PRKN: variants seen among roughly 807,000 people sequenced by gnomAD.
The protein encoded by PRKN is E3 ubiquitin-protein ligase parkin.
A neutral mutation model predicts 59.5 loss-of-function variants in PRKN; 56 were observed. The observed-to-expected ratio is 0.94, with a 90% CI of 0.76 to 1.18. The LOEUF is 1.18. Among genes scored for constraint, PRKN ranks in the 50% most tolerant of loss-of-function variants. The pLI is 0.00. For synonymous variants in PRKN, 250 were observed against 222.1 expected, an observed-to-expected ratio of 1.13 and a Z score of -1.12; for missense variants, 657 against 596.4, an observed-to-expected ratio of 1.10 and a Z score of -1.06.
intron 6 of PRKN, among the ~76,000 whole-genome samples, chr6:161,861,986 T>G (rs1181755412): frequency 1.3e-5 from 2 of 152,206 alleles, no homozygotes; most frequent in African/African-American, 2.4e-5. Flanking sequence ...ATTCTTTGCC[T>G]CTTTCAGTTT....
intron 9 of PRKN, among the ~76,000 whole-genome samples, chr6:161,543,744 T>C (rs1779698854): frequency 1.3e-5 from 2 of 152,218 alleles, no homozygotes; most frequent in Non-Finnish European, 2.9e-5. Context: ...CACCCAGACA[T>C]GTAATACCCC....
At chr6:161,469,092 T>C (rs1790632191) in intron 9 of PRKN, among the ~76,000 whole-genome samples, 1 of 149,816 alleles carries the variant, frequency 6.7e-6, no homozygotes, top group Non-Finnish European at 1.5e-5. Flanking sequence ...CTTATGAATA[T>C]GGTAGCATTC....
At chr6:162,337,479 A>G (rs773565770) in intron 2 of PRKN, among the ~76,000 whole-genome samples, 9 of 152,242 alleles carry the variant, frequency 5.9e-5, no homozygotes, top group Non-Finnish European at 8.8e-5. Flanking sequence ...GAATGTCACT[A>G]CATTAGCACG....
Position 161,518,535 on chromosome 6 carries a change from C to T in PRKN, c.1083+30319G>A, listed in dbSNP as rs6937961. On this transcript the variant is annotated intron_variant, in intron 9 of 11. Coordinates refer to ENST00000366898, the MANE Select transcript of PRKN (RefSeq NM_004562.3). This position sits in a 1 kb window ranked among gnomAD's most constrained non-coding sequence, Gnocchi z 5.0. ...CCAGGGCTCTGGGTGAGAGCTGAAC[C>T]GAGGCTCACATCTGCCCTTGCTGGG... is the stretch of plus-strand genomic sequence containing the variant. Among the ~76,000 whole-genome samples the T allele has an allele frequency of 8.0e-3, 1,220 of 152,266 alleles. 17 individuals carry two copies. The highest frequency in any genetic ancestry group is 0.027 in the African/African-American group (1,112 of 41,544).
At chr6:161,580,639 G>A (rs1781302189) in intron 7 of PRKN, among the ~76,000 whole-genome samples, 1 of 146,048 alleles carries the variant, frequency 6.8e-6, no homozygotes, top group Non-Finnish European at 1.5e-5. Flanking sequence ...ACCATGCCAG[G>A]CTAATTTTTT....
intron 2 of PRKN, among the ~76,000 whole-genome samples, chr6:162,415,184 T>C (rs916152192): frequency 6.6e-5 from 10 of 152,146 alleles, no homozygotes; most frequent in Admixed American, 6.5e-5. Flanking sequence ...GTAGCTACAA[T>C]TGGTTGTGCC....
chr6:161,695,907 T>C (rs1165011978), intron 7 of PRKN, among the ~76,000 whole-genome samples: 1 of 152,234 alleles, frequency 6.6e-6, no homozygotes, highest in Non-Finnish European at 1.5e-5. Context: ...AAATAGACGA[T>C]GAGAAATACT....
chr6:161,883,032 CA>C (rs757091437), intron 6 of PRKN, among the ~76,000 whole-genome samples: 1 of 139,604 alleles, frequency 7.2e-6, no homozygotes, highest in Non-Finnish European at 1.5e-5. Context: ...ACAACAACAA[CA>C]AAAAAAAACC....
chr6:161,782,071 C>A (rs1435817172), intron 7 of PRKN, among the ~76,000 whole-genome samples: 1 of 152,104 alleles, frequency 6.6e-6, no homozygotes, highest in East Asian at 1.9e-4. Flanking sequence ...GGGAGCAGAT[C>A]CCAGTAATAC....
chr6:162,460,645 G>T (rs1375167133), intron 1 of PRKN, among the ~76,000 whole-genome samples: 1 of 152,062 alleles, frequency 6.6e-6, no homozygotes, highest in South Asian at 2.1e-4. Flanking sequence ...AGTACTTTTG[G>T]GATAAGCGGA....
chr6:162,504,828 G>T (rs1047577042), intron 1 of PRKN, among the ~76,000 whole-genome samples: 42 of 152,030 alleles, frequency 2.8e-4, no homozygotes, highest in Non-Finnish European at 5.9e-4. Context: ...TAAGAAAACT[G>T]TAGAAATCAA....
intron 1 of PRKN, among the ~76,000 whole-genome samples, chr6:162,651,775 G>GA (rs1352453861): frequency 1.3e-5 from 2 of 152,098 alleles, no homozygotes; most frequent in African/African-American, 4.8e-5. Flanking sequence ...TGACATATGT[G>GA]AAAAGTGTGA....
At chr6:161,690,101 G>A (rs369246785) in intron 7 of PRKN, among the ~76,000 whole-genome samples, 44 of 152,258 alleles carry the variant, frequency 2.9e-4, no homozygotes, top group African/African-American at 1.0e-3. Context: ...ACTTCCCCAT[G>A]CCACCAGTGA....
intron 1 of PRKN, among the ~76,000 whole-genome samples, chr6:162,684,753 A>G (rs1259002389): frequency 6.6e-6 from 1 of 152,116 alleles, no homozygotes; most frequent in Non-Finnish European, 1.5e-5. Context: ...AAATTATTCA[A>G]AACAAAACCA....
chr6:162,193,380 C>G (rs1784367261), intron 4 of PRKN, among the ~76,000 whole-genome samples: 1 of 152,136 alleles, frequency 6.6e-6, no homozygotes, highest in Non-Finnish European at 1.5e-5. Context: ...CCCTCTTCGC[C>G]AAAGCTGAAT....
chr6:161,766,774 T>C (rs1035954515), intron 7 of PRKN, among the ~76,000 whole-genome samples: 1 of 152,160 alleles, frequency 6.6e-6, no homozygotes, highest in Non-Finnish European at 1.5e-5. Context: ...CAGTAAATAG[T>C]AAGACTTGGT....
At chr6:162,313,432 C>T (rs1026012376) in intron 2 of PRKN, among the ~76,000 whole-genome samples, 12 of 152,110 alleles carry the variant, frequency 7.9e-5, no homozygotes, top group African/African-American at 1.7e-4. Flanking sequence ...GGATTTCATG[C>T]GTTTTCAAGG....
intron 7 of PRKN, among the ~76,000 whole-genome samples, chr6:161,721,910 G>A (rs987194117): frequency 5.3e-5 from 8 of 152,142 alleles, no homozygotes; most frequent in Non-Finnish European, 1.0e-4. Flanking sequence ...TTTCAGGTCC[G>A]GATAAAATGA....
chr6:162,564,228 C>T (rs1219798043), intron 1 of PRKN, among the ~76,000 whole-genome samples: 1 of 151,836 alleles, frequency 6.6e-6, no homozygotes, highest in East Asian at 1.9e-4. Flanking sequence ...GCCTGTAATC[C>T]CAGCTAGTTG....
Sources: gnomAD v4.1 joint callset for allele counts (sites outside exome capture counted in the v4.1 genomes callset) on GRCh38, gnomAD v4.1.1 for gene constraint, Gnocchi (gnomAD v3.1) non-coding constraint, MANE v1.5 for transcripts, NCBI Gene and HGNC (gene_info 2026-07-23, HGNC 2026-07-21) for gene names.